Variants in STARD8 observed in about 807,000 individuals in gnomAD.
STARD8 encodes the protein StAR related lipid transfer domain containing 8, also known as stAR-related lipid transfer protein 8.
A neutral mutation model predicts 69.4 loss-of-function variants in STARD8; 25 were observed. The ratio of observed to expected loss-of-function variants is 0.36; its 90% confidence interval spans 0.26 to 0.50. STARD8 has a LOEUF of 0.50. Ranked by LOEUF, STARD8 falls within the 20% of genes least tolerant of loss-of-function variation. STARD8 has a pLI of 0.96. For missense variants in STARD8, 921 were observed against 932.5 expected (o/e 0.99, Z 0.16); for synonymous variants, 389 against 374.6 (o/e 1.04, Z -0.45).
At chrX:68,698,539 G>A (rs373643214) in intron 2 of STARD8, among the ~76,000 whole-genome samples, 2 of 110,786 alleles carry the variant, frequency 1.8e-5, no homozygotes, top group Admixed American at 9.6e-5. Context: ...GCCTTCCTCC[G>A]GGAGCCTGTA....
intron 1 of STARD8, among the ~76,000 whole-genome samples, chrX:68,658,870 C>T (rs1214459306): frequency 8.9e-6 from 1 of 112,380 alleles, no homozygotes; most frequent in African/African-American, 3.2e-5. Flanking sequence ...GGTCAATCAG[C>T]AGTTCCAAGG....
rs776051201 is a variant in STARD8, at chrX:68,721,429, C to T, written c.2249-107C>T. On this transcript the variant is annotated intron_variant, in intron 9 of 14. Transcript: ENST00000374599. ...ACTGACATTTTCCCTTCCCTCTCAC[C>T]GCTCCCCTTGGGACTGCTGTGCCTT... The T allele has an allele frequency of 3.8e-5, 33 of 860,393 alleles. No individual in the cohort carries two copies. The East Asian group carries it at 4.2e-4, about 11-fold the overall frequency. 70.9% of individuals were successfully genotyped at this position (860,393 alleles called of 1,213,427 possible). A position where few individuals can be genotyped will look rare whatever the true frequency, so the allele number is the denominator to read the frequency against.
chrX:68,677,005 G>A (rs2079769404), intron 2 of STARD8, among the ~76,000 whole-genome samples: 1 of 109,795 alleles, frequency 9.1e-6, no homozygotes, highest in African/African-American at 3.3e-5. Flanking sequence ...AATTAGCCAG[G>A]TGTGGTGGTA....
At chrX:68,697,121 C>T (rs997054060) in intron 2 of STARD8, among the ~76,000 whole-genome samples, 3 of 111,864 alleles carry the variant, frequency 2.7e-5, no homozygotes, top group Admixed American at 9.4e-5. Context: ...TATTTCAATA[C>T]GTATTTCTAA....
Position 68,717,675 on chromosome X carries a change from C to G in STARD8, c.761C>G (p.Ala254Gly), listed in dbSNP as rs1385769617. The change falls in exon 6 of 15, where the codon GCT becomes GGT. Residue 254 changes from alanine (A) to glycine (G), a missense_variant. By Grantham distance (60) the Ala-to-Gly change is moderately conservative (BLOSUM62 0). Coordinates refer to ENST00000374599, the MANE Select transcript of STARD8 (RefSeq NM_001142503.3). ...CGCAGTTGTCGTGGCTTCCTCTCAG[C>G]TGGATTTTACAGGGCCAAGAACTGG... ...SFRSCRGFLS[A>G]GFYRAKNWAA... 1.9e-5 allele frequency: 23 copies of G among 1,210,826 alleles called. No individual in the cohort carries two copies. Among genetic ancestry groups the G allele is most frequent in the Non-Finnish European group, 2.3e-5 (21 of 895,427 alleles).
intron 2 of STARD8, among the ~76,000 whole-genome samples, chrX:68,671,675 G>C (rs1258578287): frequency 8.9e-6 from 1 of 112,503 alleles, no homozygotes; most frequent in Non-Finnish European, 1.9e-5. Context: ...AACCTCTTGA[G>C]ACAGGGCCTT....
intron 12 of STARD8, among the ~76,000 whole-genome samples, chrX:68,723,290 A>G (rs776985104): frequency 8.9e-6 from 1 of 112,865 alleles, no homozygotes; most frequent in Admixed American, 9.3e-5. Flanking sequence ...CATGTGTTTT[A>G]CTGCCTGTGC....
Position 68,723,936 on chromosome X carries a change from C to T in STARD8, c.3018-9C>T, listed in dbSNP as rs376841641. 3.3e-6 allele frequency: 4 copies of T among 1,209,993 alleles called. No homozygotes were observed. Among genetic ancestry groups the T allele is most frequent in the Non-Finnish European group, 4.5e-6 (4 of 894,937 alleles). On this transcript the variant is annotated splice_polypyrimidine_tract_variant and intron_variant, in intron 13 of 14. Transcript: ENST00000374599. ...AGGAATCTGAGCCTACGTGTCCCTT[C>T]TCCAATAGGATGTGGCGCTCTGACC...
rs772472792 is a variant in STARD8, at chrX:68,719,954, G to A, written c.1890-310G>A. On this transcript the variant is annotated intron_variant, in intron 7 of 14. Transcript: ENST00000374599. The stretch of plus-strand genomic sequence containing the variant: ...CCTGCTGAGTTACCACGTCCTCTCC[G>A]AAGCCTTCCCTAACTCACTAGGTAC... Among the ~76,000 whole-genome samples, 10 of 112,267 alleles carry A rather than the reference G, an allele frequency of 8.9e-5. No homozygotes were observed. The South Asian group carries it at 2.2e-3, about 25-fold the overall frequency.
At chrX:68,704,944 G>A (rs1396740369) in intron 2 of STARD8, among the ~76,000 whole-genome samples, 4 of 111,999 alleles carry the variant, frequency 3.6e-5, no homozygotes, top group Admixed American at 2.8e-4. Context: ...TCACCTGACC[G>A]TTAGTCCAAT....
At chrX:68,659,229 A>T (rs2079629654) in intron 1 of STARD8, among the ~76,000 whole-genome samples, 1 of 111,883 alleles carries the variant, frequency 8.9e-6, no homozygotes, top group South Asian at 3.8e-4. Flanking sequence ...TTGAATGTAA[A>T]GATAGTTGAT....
At chrX:68,661,974 TTC>T (rs1337626731) in intron 1 of STARD8, among the ~76,000 whole-genome samples, 2 of 35,005 alleles carry the variant, frequency 5.7e-5, no homozygotes, top group Admixed American at 2.9e-4. Flanking sequence ...CTCTCTCTCT[TTC>T]TTTCTTTCTT....
At chrX:68,690,610 C>T (rs2079870433) in intron 2 of STARD8, among the ~76,000 whole-genome samples, 1 of 112,191 alleles carries the variant, frequency 8.9e-6, no homozygotes, top group South Asian at 3.7e-4. Flanking sequence ...TGCCACCTGC[C>T]ACAGTCCTTT....
rs143217435 is a variant in STARD8, at chrX:68,665,760, C to T, written c.79+228C>T. On this transcript the variant is annotated intron_variant, in intron 2 of 14. Coordinates refer to ENST00000374599, the MANE Select transcript of STARD8 (RefSeq NM_001142503.3). ...TTATTTCTCAGCCGGAGGTTTTGCT[C>T]TTGTCAGAGAGCCAGGGGAGGACTT... Among the ~76,000 whole-genome samples the T allele has an allele frequency of 1.9e-3, 216 of 112,286 alleles. 1 individual carries two copies. The East Asian group carries it at 0.038, about 20-fold the overall frequency.
intron 1 of STARD8, among the ~76,000 whole-genome samples, chrX:68,652,723 A>G (rs1258365949): frequency 1.2e-5 from 1 of 81,998 alleles, no homozygotes; most frequent in Non-Finnish European, 2.4e-5. Flanking sequence ...ACATCACACC[A>G]TACACACACC....
intron 1 of STARD8, among the ~76,000 whole-genome samples, chrX:68,654,502 T>A (rs2079599628): frequency 9.0e-6 from 1 of 111,407 alleles, no homozygotes; most frequent in South Asian, 3.8e-4. Flanking sequence ...TGGGATCCCA[T>A]GCTTTTCACT....
intron 2 of STARD8, among the ~76,000 whole-genome samples, chrX:68,687,055 T>C (rs1011924347): frequency 1.8e-5 from 2 of 111,536 alleles, no homozygotes; most frequent in Non-Finnish European, 3.8e-5. Context: ...TTCCTTGTCA[T>C]TGAGTTGTCC....
intron 1 of STARD8, among the ~76,000 whole-genome samples, 167 bp downstream of exon 1, chrX:68,648,094 C>T (rs1272869320): frequency 3.6e-5 from 4 of 112,505 alleles, no homozygotes; most frequent in Admixed American, 2.8e-4. Flanking sequence ...GTCACTTAAC[C>T]AGTTCTGTGA....
At chrX:68,669,319 G>T (rs940980304) in intron 2 of STARD8, among the ~76,000 whole-genome samples, 1 of 111,661 alleles carries the variant, frequency 9.0e-6, no homozygotes, top group African/African-American at 3.3e-5. Flanking sequence ...TGTGTCCTTG[G>T]GCCTCTCGCT....
Sources: allele counts gnomAD v4.1 joint callset (sites outside exome capture counted in the v4.1 genomes callset), GRCh38; gene constraint gnomAD v4.1.1; transcripts MANE v1.5; gene names NCBI Gene and HGNC (gene_info 2026-07-23, HGNC 2026-07-21).